Variants in CEACAM20 observed in about 807,000 individuals in gnomAD.
CEACAM20 encodes CEA cell adhesion molecule 20.
A neutral mutation model predicts 61.2 loss-of-function variants in CEACAM20; 50 were observed. That is an observed-to-expected ratio of 0.82 (90% CI 0.65 to 1.03). The LOEUF is 1.03. Among genes scored for constraint, CEACAM20 ranks in the 50% least tolerant of loss-of-function variants. The pLI, the probability that CEACAM20 is intolerant of heterozygous loss-of-function variation, is 0.00. For missense variants in CEACAM20, 683 were observed against 736.4 expected (o/e 0.93, Z 0.84); for synonymous variants, 282 against 287.7 (o/e 0.98, Z 0.20).
chr19:44,528,307 C>A (rs925052940), intron 1 of CEACAM20, among the ~76,000 whole-genome samples: 4 of 151,784 alleles, frequency 2.6e-5, no homozygotes, highest in Non-Finnish European at 5.9e-5. Context: ...CGGTTCACTG[C>A]AACTTCTGCC....
intron 5 of CEACAM20, among the ~76,000 whole-genome samples, chr19:44,518,136 AAGGAAGGAAGGAAGGAAGGAAGGAAGG>A (rs1971239835): frequency 1.8e-5 from 2 of 111,334 alleles, no homozygotes; most frequent in East Asian, 2.7e-4. Flanking sequence ...GGAAGGAAGG[AAGGAAGGAAGGAAGGAAGGAAGGAAGG>A]AAGGAAGAAA....
intron 4 of CEACAM20, among the ~76,000 whole-genome samples, chr19:44,521,286 T>C (rs1399658189): frequency 1.3e-5 from 2 of 152,072 alleles, no homozygotes; most frequent in African/African-American, 4.8e-5. Context: ...GTATATGGTG[T>C]GTTTTCCATG....
intron 4 of CEACAM20, among the ~76,000 whole-genome samples, chr19:44,521,445 T>TTTGC (rs1971362621): frequency 6.6e-6 from 1 of 152,094 alleles, no homozygotes; most frequent in African/African-American, 2.4e-5. Flanking sequence ...ATCTTGTTTG[T>TTTGC]TGTGTAGATG....
intron 1 of CEACAM20, among the ~76,000 whole-genome samples, chr19:44,528,158 T>TTTCTTTCC (rs1426951753): frequency 8.9e-4 from 111 of 124,824 alleles, no homozygotes; most frequent in African/African-American, 2.6e-3. Flanking sequence ...TCTTTCTTTC[T>TTTCTTTCC]TTTCTTTCTT....
rs769872105 is a variant in CEACAM20 at position 44,520,509 on chromosome 19, C to T, written c.995G>A (p.Arg332Gln). ...YACEVWNWGS[R>Q]ARSEPLELTI... ...CAGCTCAAGGGGCTCACTCCGGGCC[C>T]GGCTGCCCCAGTTCCAGACCTCACA... Residue 332 changes from arginine to glutamine, a missense_variant, in exon 5 of 12, where the codon CGG (arginine) becomes CAG (glutamine). Coordinates refer to ENST00000614924, the MANE Select transcript of CEACAM20 (RefSeq NM_001102597.3). The T allele has an allele frequency of 1.6e-5, 26 of 1,613,448 alleles. No individual in the cohort carries two copies. Among genetic ancestry groups the T allele is most frequent in the Middle Eastern group, 1.7e-4 (1 of 5,734 alleles).
Position 44,517,242 on chromosome 19 carries a change from C to T in CEACAM20, c.1031-18G>A, listed in dbSNP as rs372540138. ...AGGACCATCTGTGTGTAAAGCCAAA[C>T]GTGATGCACCCTGGCCCCCATCAGC... On this transcript the variant is annotated intron_variant, in intron 5 of 11. Transcript: ENST00000614924. 1.0e-4 allele frequency: 166 copies of T among 1,597,414 alleles called. No homozygotes were observed. Among genetic ancestry groups the T allele is most frequent in the Middle Eastern group, 1.6e-4 (1 of 6,062 alleles).
chr19:44,520,180 C>G (rs933781964), intron 5 of CEACAM20, among the ~76,000 whole-genome samples: 3 of 152,220 alleles, frequency 2.0e-5, no homozygotes, highest in Admixed American at 6.5e-5. Flanking sequence ...CTCACTCCCC[C>G]TCTCCCCCAC....
chr19:44,514,878 C>T lies in CEACAM20; in HGVS notation c.1310-1589G>A, dbSNP rs556209836. Among the ~76,000 whole-genome samples, 254 of 152,006 alleles carry T rather than the reference C, an allele frequency of 1.7e-3. 1 individual carries two copies. The highest frequency in any genetic ancestry group is 5.6e-3 in the African/African-American group (231 of 41,460). On this transcript the variant is annotated intron_variant, in intron 6 of 11. Coordinates refer to ENST00000614924, the MANE Select transcript of CEACAM20 (RefSeq NM_001102597.3). ...AAGGCCAGGCTGGAGTGCAGTGGCA[C>T]GATCTTGGCTCACTGCAACCTCTCC... is the stretch of plus-strand genomic sequence containing the variant.
intron 9 of CEACAM20, 79 bp from the exon 10 acceptor site, chr19:44,511,751 G>A: frequency 2.1e-6 from 3 of 1,417,628 alleles, no homozygotes; most frequent in Non-Finnish European, 2.9e-6. Context: ...AAATAGCTTT[G>A]GCCTCAGAGG....
At chr19:44,512,254 G>T (rs1029532646) in intron 8 of CEACAM20, among the ~76,000 whole-genome samples, 176 bp from the exon 9 acceptor site, 3 of 152,148 alleles carry the variant, frequency 2.0e-5, no homozygotes, top group African/African-American at 7.2e-5. Context: ...TCTGGGTTAG[G>T]TAAGGCTGTT....
At chr19:44,511,219 T>C in intron 10 of CEACAM20, 64 bp from the exon 11 acceptor site, 1 of 1,590,832 alleles carries the variant, frequency 6.3e-7, no homozygotes, top group Non-Finnish European at 8.6e-7. Flanking sequence ...TGTACCAACT[T>C]ACACTCTTCA....
intron 11 of CEACAM20, among the ~76,000 whole-genome samples, chr19:44,506,584 C>T (rs1970825409): frequency 6.6e-6 from 1 of 152,212 alleles, no homozygotes; most frequent in Admixed American, 6.5e-5. Flanking sequence ...AAGATTATGA[C>T]TTCTGTCTTG....
rs775240013 is a variant in CEACAM20, at chr19:44,520,533, C to T, written c.971G>A (p.Cys324Tyr). The T allele has an allele frequency of 1.1e-5, 17 of 1,614,014 alleles. No homozygotes were observed. In the South Asian group the frequency reaches 1.5e-4, roughly 15 times the overall value. ...LQRNDTGPYA[C>Y]EVWNWGSRAR... ...CCGGCTGCCCCAGTTCCAGACCTCACAGGCATAGGGCCCGGTGTCATTCCG... is the reference window on the plus strand; with the variant it reads ...CCGGCTGCCCCAGTTCCAGACCTCATAGGCATAGGGCCCGGTGTCATTCCG... Residue 324 changes from cysteine to tyrosine, a missense_variant, in exon 5 of 12, where the codon TGT becomes TAT. Transcript: ENST00000614924.
chr19:44,521,662 A>G (rs1226380262), intron 4 of CEACAM20, among the ~76,000 whole-genome samples: 1 of 151,420 alleles, frequency 6.6e-6, no homozygotes, highest in African/African-American at 2.4e-5. Flanking sequence ...TATGTGTTGT[A>G]TGTCTGATGT....
chr19:44,510,169 G>C (rs187927724), intron 11 of CEACAM20, among the ~76,000 whole-genome samples: 39 of 152,066 alleles, frequency 2.6e-4, no homozygotes, highest in Admixed American at 2.4e-3. Context: ...AGAAAGAGAT[G>C]GAAAGGAGTG....
chr19:44,511,600 A>G (rs1971000816), intron 10 of CEACAM20, 37 bp downstream of exon 10: 2 of 1,597,040 alleles, frequency 1.3e-6, no homozygotes, highest in Non-Finnish European at 1.7e-6. Context: ...TCTTTCCTTC[A>G]TAGATTCTTT....
intron 4 of CEACAM20, among the ~76,000 whole-genome samples, chr19:44,521,428 A>C (rs1971361774): frequency 6.6e-6 from 1 of 151,794 alleles, no homozygotes; most frequent in African/African-American, 2.4e-5. Context: ...TGTGTCATGT[A>C]TATGTGATCT....
chr19:44,520,852 G>C lies in CEACAM20; in HGVS notation c.752-100C>G. 8.9e-6 allele frequency: 8 copies of C among 895,764 alleles called. No homozygotes were observed. The South Asian group carries it at 1.4e-4, about 16-fold the overall frequency. The allele number at this position is 895,764 out of a possible 1,614,324, so 55.5% of individuals were successfully genotyped here. ...TTTTTCCAGGAGTGCGTGCGTGTGT[G>C]TGTGTGTGTGTGTGTGTTACAGGTG... On this transcript the variant is annotated intron_variant, in intron 4 of 11. Transcript: ENST00000614924.
At chr19:44,520,077 C>A (rs1200390986) in intron 5 of CEACAM20, among the ~76,000 whole-genome samples, 1 of 152,224 alleles carries the variant, frequency 6.6e-6, no homozygotes, top group Non-Finnish European at 1.5e-5. Context: ...CTCACAGGAG[C>A]ATTTCCCCTA....
Sources: gnomAD v4.1 joint callset for allele counts (sites outside exome capture counted in the v4.1 genomes callset) on GRCh38, gnomAD v4.1.1 for gene constraint, MANE v1.5 for transcripts, NCBI Gene and HGNC (gene_info 2026-07-23, HGNC 2026-07-21) for gene names.